DSCAML1: variants seen among roughly 807,000 people sequenced by gnomAD.
DSCAML1 encodes cell adhesion molecule DSCAML1.
Under a neutral mutation model 200.5 loss-of-function variants are expected in DSCAML1, and 38 were observed. The ratio of observed to expected loss-of-function variants is 0.19; its 90% confidence interval spans 0.15 to 0.25. The LOEUF (loss-of-function observed/expected upper bound fraction) is 0.25, where lower values mean the gene tolerates loss of function less well. Among genes scored for constraint, DSCAML1 ranks in the 10% least tolerant of loss-of-function variants. The pLI, the probability that DSCAML1 is intolerant of heterozygous loss-of-function variation, is 1.00. For synonymous variants in DSCAML1, 1,215 were observed against 1,165.0 expected (o/e 1.04, Z -0.87); for missense variants, 2,223 against 2,858.8 (o/e 0.78, Z 5.07).
rs562141254 is a variant in DSCAML1 at position 117,435,559 on chromosome 11, T to G, written c.4876+85A>C. On this transcript the variant is annotated intron_variant, in intron 27 of 32. Coordinates refer to ENST00000651296, the MANE Select transcript of DSCAML1 (RefSeq NM_020693.4). ...ACACAGGCACTCTGTATCATCCAGA[T>G]GGTGCTGTGAGCCAGGGAAGGGGGG... 3.2e-5 allele frequency: 46 copies of G among 1,460,226 alleles called. No individual in the cohort carries two copies. In the African/African-American group the frequency reaches 5.7e-4, roughly 18 times the overall value. The allele number at this position is 1,460,226 out of a possible 1,614,324, so 90.5% of individuals were successfully genotyped here.
intron 3 of DSCAML1, among the ~76,000 whole-genome samples, chr11:117,641,891 A>G (rs938343200): frequency 1.3e-5 from 2 of 152,118 alleles, no homozygotes; most frequent in African/African-American, 2.4e-5. Flanking sequence ...AAGAGGTACT[A>G]TTGAGTCCGT....
At chr11:117,648,387 G>A (rs1472828187) in intron 3 of DSCAML1, among the ~76,000 whole-genome samples, 2 of 152,170 alleles carry the variant, frequency 1.3e-5, no homozygotes, top group Admixed American at 6.5e-5. Flanking sequence ...TGAAAGCAAC[G>A]CAGGACCCGC....
intron 3 of DSCAML1, among the ~76,000 whole-genome samples, chr11:117,582,119 G>A (rs185739814): frequency 5.3e-5 from 8 of 152,308 alleles, no homozygotes; most frequent in East Asian, 3.9e-4. Flanking sequence ...TCTGGGACTC[G>A]CAGAAAAGAA....
rs151094545 is a variant in DSCAML1 at position 117,691,380 on chromosome 11, A to G, written c.511+85411T>C. ...CTCTGCCAACGGCCTCCCCACTCCCACTGACTCAACCCAATTTTGCATGTT... is the reference window on the plus strand; with the variant it reads ...CTCTGCCAACGGCCTCCCCACTCCCGCTGACTCAACCCAATTTTGCATGTT... On this transcript the variant is annotated intron_variant, in intron 3 of 32. Transcript: ENST00000651296. Among the ~76,000 whole-genome samples, 543 of 152,228 alleles carry G rather than the reference A, an allele frequency of 3.6e-3. 7 individuals are homozygous for G. Among genetic ancestry groups the G allele is most frequent in the African/African-American group, 0.013 (521 of 41,534 alleles).
At chr11:117,435,547 G>A in intron 27 of DSCAML1, 97 bp downstream of exon 27, 1 of 1,408,066 alleles carries the variant, frequency 7.1e-7, no homozygotes, top group Non-Finnish European at 9.6e-7. Context: ...CAGGCACTCT[G>A]TATCATCCAG....
intron 3 of DSCAML1, among the ~76,000 whole-genome samples, chr11:117,613,189 C>T (rs563240691): frequency 2.0e-5 from 3 of 152,026 alleles, no homozygotes; most frequent in East Asian, 1.9e-4. Flanking sequence ...CAACTCAGAC[C>T]GAGCATTCTG....
At position 117,437,716 on chromosome 11, in the gene DSCAML1, T is replaced by C. The variant is rs17120753; in HGVS notation, c.4432+179A>G. 0.065 allele frequency among the ~76,000 whole-genome samples: 9,884 copies of C among 152,216 alleles called. 407 individuals carry two copies. The highest frequency in any genetic ancestry group is 0.15 in the South Asian group (746 of 4,822). On this transcript the variant is annotated intron_variant, in intron 25 of 32. Coordinates refer to ENST00000651296, the MANE Select transcript of DSCAML1 (RefSeq NM_020693.4). The surrounding 1 kb of genome is among the most constrained non-coding windows in gnomAD (Gnocchi z 5.3). ...GGGAAGTGGAACTAGTTTTTCCTAA[T>C]GGGATCCATCGGGACACTGTGGTGA...
At chr11:117,693,505 T>C (rs1303207623) in intron 3 of DSCAML1, among the ~76,000 whole-genome samples, 7 of 152,194 alleles carry the variant, frequency 4.6e-5, no homozygotes, top group Non-Finnish European at 1.0e-4. Flanking sequence ...CCCCCCCATT[T>C]GACATCTCCC....
chr11:117,562,014 G>C (rs981700159), intron 3 of DSCAML1, among the ~76,000 whole-genome samples: 1 of 152,210 alleles, frequency 6.6e-6, no homozygotes, highest in Non-Finnish European at 1.5e-5. Flanking sequence ...GGGGACAGTG[G>C]GAAGCAGGGG....
intron 21 of DSCAML1, 75 bp from the exon 22 acceptor site, chr11:117,440,011 C>A: frequency 7.7e-7 from 1 of 1,299,088 alleles, no homozygotes; most frequent in South Asian, 1.2e-5. Flanking sequence ...CTTAGGGCCC[C>A]CTGGATTTAC....
rs918450456 is a variant in DSCAML1 at position 117,480,772 on chromosome 11, A to T, written c.2657-201T>A. On this transcript the variant is annotated intron_variant, in intron 13 of 32. Coordinates refer to ENST00000651296, the MANE Select transcript of DSCAML1 (RefSeq NM_020693.4). The surrounding 1 kb of genome is among the most constrained non-coding windows in gnomAD (Gnocchi z 4.1). ...TGGCTTGCTCTCCTGTCTTGCTGCC[A>T]TCTTGTTCTTGGCCTGGGAGAGGGC... Among the ~76,000 whole-genome samples, 2 of 152,072 alleles carry T rather than the reference A, an allele frequency of 1.3e-5. No homozygotes were observed. Among genetic ancestry groups the T allele is most frequent in the Non-Finnish European group, 2.9e-5 (2 of 67,992 alleles).
At chr11:117,785,298 G>C (rs751270553) in intron 1 of DSCAML1, among the ~76,000 whole-genome samples, 6 of 152,188 alleles carry the variant, frequency 3.9e-5, no homozygotes, top group Non-Finnish European at 5.9e-5. Context: ...CATGGGGAGG[G>C]AAGGGGAAAG....
chr11:117,603,553 C>T (rs1372055358), intron 3 of DSCAML1, among the ~76,000 whole-genome samples: 1 of 152,116 alleles, frequency 6.6e-6, no homozygotes, highest in African/African-American at 2.4e-5. Flanking sequence ...AGGGCACTTG[C>T]CTGACACACA....
At chr11:117,474,758 T>C (rs2048753853) in intron 14 of DSCAML1, among the ~76,000 whole-genome samples, 1 of 135,088 alleles carries the variant, frequency 7.4e-6, no homozygotes, top group Non-Finnish European at 1.6e-5. Flanking sequence ...CCTTTTTTCC[T>C]TTTTTTTTTT....
At chr11:117,761,449 T>C (rs888943496) in intron 3 of DSCAML1, among the ~76,000 whole-genome samples, 2 of 152,264 alleles carry the variant, frequency 1.3e-5, no homozygotes, top group African/African-American at 4.8e-5. Context: ...CCAGATGTGA[T>C]GGCCTAGAGA....
chr11:117,542,978 C>A (rs1313303626), intron 3 of DSCAML1, among the ~76,000 whole-genome samples: 1 of 152,224 alleles, frequency 6.6e-6, no homozygotes, highest in Non-Finnish European at 1.5e-5. Flanking sequence ...ACTTCTCTCT[C>A]CTTTCTGGGC....
chr11:117,525,142 G>C, intron 4 of DSCAML1, 59 bp from the exon 5 acceptor site: 1 of 1,468,638 alleles, frequency 6.8e-7, no homozygotes. Context: ...AAGTGGCGCT[G>C]GGGGAGGGAA....
intron 3 of DSCAML1, among the ~76,000 whole-genome samples, chr11:117,730,588 AC>A (rs2054202069): frequency 6.6e-6 from 1 of 152,038 alleles, no homozygotes; most frequent in South Asian, 2.1e-4. Flanking sequence ...CGAAACTGGG[AC>A]CCTTATACCC....
chr11:117,780,304 G>GAAAGAAAGAA lies in DSCAML1; in HGVS notation c.364+188_364+189insTTCTTTCTTT, dbSNP rs71037499. On this transcript the variant is annotated intron_variant, in intron 2 of 32. Coordinates refer to ENST00000651296, the MANE Select transcript of DSCAML1 (RefSeq NM_020693.4). This position sits in a 1 kb window ranked among gnomAD's most constrained non-coding sequence, Gnocchi z 4.8. ...AGAAAGAAAGAAAGAAAGAAAGAAAGAGAGAAAGGAGAAAGAAAGGTGTCT... is the reference window on the plus strand; with the variant it reads ...AGAAAGAAAGAAAGAAAGAAAGAAAGAAAGAAAGAAAGAGAAAGGAGAAAGAAAGGTGTCT... 0.03 allele frequency among the ~76,000 whole-genome samples: 2,948 copies of GAAAGAAAGAA among 97,822 alleles called. 101 individuals carry two copies. Among genetic ancestry groups the GAAAGAAAGAA allele is most frequent in the East Asian group, 0.035 (123 of 3,490 alleles). The allele number at this position is 97,822 out of a possible 152,430, so 64.2% of individuals were successfully genotyped here.
Sources: gnomAD v4.1 joint callset for allele counts (sites outside exome capture counted in the v4.1 genomes callset) on GRCh38, gnomAD v4.1.1 for gene constraint, Gnocchi (gnomAD v3.1) non-coding constraint, MANE v1.5 for transcripts, NCBI Gene and HGNC (gene_info 2026-07-23, HGNC 2026-07-21) for gene names.